UTP14A: variants seen among roughly 807,000 people sequenced by gnomAD.
UTP14A encodes U3 small nucleolar RNA-associated protein 14 homolog A.
In UTP14A, 5 loss-of-function variants were observed where a neutral mutation model predicts 57.2. The observed-to-expected ratio is 0.09, with a 90% CI of 0.05 to 0.18. The LOEUF is 0.18. UTP14A is among the 10% of genes least tolerant of loss of function. UTP14A has a pLI of 1.00. For synonymous variants in UTP14A, 169 were observed against 210.9 expected (o/e 0.80, Z 1.72); for missense variants, 430 against 562.1 (o/e 0.76, Z 2.38).
At position 129,921,376 on chromosome X, in the gene UTP14A, C is replaced by T. The variant is rs781452587; in HGVS notation, c.1137C>T (p.Ser379=). 1.7e-6 allele frequency: 2 copies of T among 1,211,875 alleles called. No homozygotes were observed. Among genetic ancestry groups the T allele is most frequent in the East Asian group, 3.0e-5 (1 of 33,878 alleles). Residue 379 remains serine, a synonymous_variant, in exon 11 of 15, where the codon AGC becomes AGT. Coordinates refer to ENST00000394422, the MANE Select transcript of UTP14A (RefSeq NM_006649.4). ...ADGPNPWMLR[S]CTSDTKEAAT... ...GGCCGAATCCCTGGATGCTCAGGAGCTGCACCAGTGACACCAAAGAGGCTG... is the reference window on the plus strand; with the variant it reads ...GGCCGAATCCCTGGATGCTCAGGAGTTGCACCAGTGACACCAAAGAGGCTG...
At chrX:129,911,634 C>A in intron 5 of UTP14A, 132 bp from the exon 6 acceptor site, 1 of 778,602 alleles carries the variant, frequency 1.3e-6, no homozygotes, top group South Asian at 2.6e-5. Context: ...CATCCTGATT[C>A]TTTCATCCTG....
intron 14 of UTP14A, 108 bp downstream of exon 14, chrX:129,926,447 C>A: frequency 1.5e-6 from 1 of 664,998 alleles, no homozygotes; most frequent in African/African-American, 2.2e-5. Context: ...TGATCTTGAC[C>A]GCAGAATCAA....
At chrX:129,907,192 G>T (rs1289575304) in intron 1 of UTP14A, among the ~76,000 whole-genome samples, 175 bp from the exon 2 acceptor site, 4 of 111,031 alleles carry the variant, frequency 3.6e-5, no homozygotes, top group African/African-American at 9.8e-5. Context: ...GAGGGATAGG[G>T]CTATTCTGTG....
chrX:129,929,634 G>A lies in UTP14A; in HGVS notation c.*26G>A, dbSNP rs1305020351. The A allele has an allele frequency of 1.7e-6, 2 of 1,197,186 alleles. No individual in the cohort carries two copies. The highest frequency in any genetic ancestry group is 3.0e-5 in the East Asian group (1 of 33,648). On this transcript the variant is annotated 3_prime_UTR_variant, in exon 15 of 15. Coordinates refer to ENST00000394422, the MANE Select transcript of UTP14A (RefSeq NM_006649.4). Reference sequence around the variant, plus strand: ...GTTGCTGGAGGAGTGACAGCCAGGAGCCCTGACTTCACTTCCTTTGGTCCA... The same window carrying A: ...GTTGCTGGAGGAGTGACAGCCAGGAACCCTGACTTCACTTCCTTTGGTCCA...
At chrX:129,907,641 T>G (rs1929299493) in intron 2 of UTP14A, among the ~76,000 whole-genome samples, 199 bp downstream of exon 2, 1 of 112,427 alleles carries the variant, frequency 8.9e-6, no homozygotes, top group African/African-American at 3.2e-5. Context: ...TACCCTCAAG[T>G]TGCATAAGTA....
chrX:129,921,775 T>C (rs1929926422), intron 11 of UTP14A, 188 bp downstream of exon 11: 1 of 488,408 alleles, frequency 2.0e-6, no homozygotes, highest in Non-Finnish European at 3.2e-6. Context: ...AGACATTTAA[T>C]AAGCAGTCAT....
intron 14 of UTP14A, among the ~76,000 whole-genome samples, chrX:129,927,999 C>G (rs1044992067): frequency 9.0e-6 from 1 of 111,042 alleles, no homozygotes; most frequent in Admixed American, 9.7e-5. Context: ...CACTTCCCCC[C>G]TCTAAGCCAA....
At position 129,911,116 on chromosome X, in the gene UTP14A, T is replaced by C; in HGVS notation, c.347T>C (p.Val116Ala). The part of the protein sequence containing the change: ...QLSRVKSKKT[V>A]ELPLNKEEIE... ...AGTAGAGTCAAATCAAAGAAGACAGTGGAGTTACCTCTGAACAAAGAAGAG... is the reference window on the plus strand; with the variant it reads ...AGTAGAGTCAAATCAAAGAAGACAGCGGAGTTACCTCTGAACAAAGAAGAG... The change falls in exon 5 of 15, where the codon GTG becomes GCG. Residue 116 changes from valine to alanine, a missense_variant. Around this residue, in one of 4 missense-constraint regions of UTP14A, gnomAD observed 145 missense variants for 153.5 expected, o/e 0.94. Transcript: ENST00000394422. 2.5e-6 allele frequency: 3 copies of C among 1,210,905 alleles called. No individual in the cohort carries two copies. Among genetic ancestry groups the C allele is most frequent in the Non-Finnish European group, 3.4e-6 (3 of 895,233 alleles).
chrX:129,926,465 G>C, intron 14 of UTP14A, 126 bp downstream of exon 14: 1 of 575,866 alleles, frequency 1.7e-6, no homozygotes, highest in Admixed American at 3.6e-5. Context: ...CAAATCTGTT[G>C]TTTTCACTGA....
intron 2 of UTP14A, among the ~76,000 whole-genome samples, 199 bp from the exon 3 acceptor site, chrX:129,907,861 C>T (rs905465668): frequency 9.0e-6 from 1 of 111,680 alleles, no homozygotes; most frequent in Non-Finnish European, 1.9e-5. Flanking sequence ...GAGGCTGAGG[C>T]AGGAGAATGG....
chrX:129,915,524 CA>C (rs778079199), intron 6 of UTP14A, among the ~76,000 whole-genome samples: 829 of 39,811 alleles, frequency 0.021, 1 homozygote, highest in Middle Eastern at 0.044. Context: ...GACTCTGTCT[CA>C]AAAAAAAAAA....
Position 129,924,871 on chromosome X carries a change from G to C in UTP14A, c.1425G>C (p.Lys475Asn). Residue 475 changes from lysine (K) to asparagine (N), a missense_variant, in exon 12 of 15, where the codon AAG becomes AAC. Lys to Asn is a moderately conservative substitution (Grantham distance 94, BLOSUM62 0). Coordinates refer to ENST00000394422, the MANE Select transcript of UTP14A (RefSeq NM_006649.4). ...TGAAGGAAAACCATCAGTCCAGGAA[G>C]CAAAAAGCAAGTTCAGAGGGGACTA... ...QKLKENHQSR[K>N]QKASSEGTIP... The C allele has an allele frequency of 1.7e-6, 2 of 1,211,314 alleles. No individual in the cohort carries two copies. Among genetic ancestry groups the C allele is most frequent in the Non-Finnish European group, 2.2e-6 (2 of 895,445 alleles).
intron 6 of UTP14A, among the ~76,000 whole-genome samples, chrX:129,915,543 A>T (rs2058394495): frequency 9.1e-6 from 1 of 109,502 alleles, no homozygotes; most frequent in Admixed American, 9.8e-5. Flanking sequence ...AAAAAAAAAA[A>T]GGCTATGAAA....
intron 3 of UTP14A, 107 bp downstream of exon 3, chrX:129,908,237 A>G: frequency 5.1e-6 from 3 of 588,498 alleles, no homozygotes; most frequent in Non-Finnish European, 8.0e-6. Flanking sequence ...ACCAGTGCCT[A>G]GCATATAGTA....
In UTP14A at chrX:129,925,011, G is replaced by A. The variant is rs1603018785; in HGVS notation, c.1565G>A (p.Cys522Tyr). ...EELEELGKEE[C>Y]FQNKELPRPV... ...CTAGAAGAGCTGGGAAAAGAAGAAT[G>A]TTTTCAAAATAAGGAGCTTCCCAGA... Residue 522 changes from cysteine (C) to tyrosine (Y), a missense_variant, in exon 12 of 15, where the codon TGT becomes TAT. By Grantham distance (194) the Cys-to-Tyr change is radical. This residue lies in a region of UTP14A where 120 missense variants were observed against 116.8 expected (regional missense o/e 1.03). Transcript: ENST00000394422. The A allele has an allele frequency of 8.3e-7, 1 of 1,211,515 alleles. No homozygotes were observed. The highest frequency in any genetic ancestry group is 3.0e-5 in the East Asian group (1 of 33,825).
chrX:129,912,263 C>T (rs780314780), intron 6 of UTP14A, among the ~76,000 whole-genome samples: 1 of 109,848 alleles, frequency 9.1e-6, no homozygotes, highest in Non-Finnish European at 1.9e-5. Context: ...CTGGCGTGCA[C>T]CAACACGCCC....
At chrX:129,912,233 C>T (rs955780816) in intron 6 of UTP14A, among the ~76,000 whole-genome samples, 1 of 109,957 alleles carries the variant, frequency 9.1e-6, no homozygotes, top group Non-Finnish European at 1.9e-5. Context: ...CTGCCTCAGC[C>T]TCCCAAGTAG....
chrX:129,917,962 G>A (rs1929751715), intron 6 of UTP14A, among the ~76,000 whole-genome samples: 1 of 112,362 alleles, frequency 8.9e-6, no homozygotes. Context: ...AGTAATTAAT[G>A]ATACCAAGAA....
At chrX:129,910,731 A>G (rs1283806041) in intron 4 of UTP14A, among the ~76,000 whole-genome samples, 1 of 112,296 alleles carries the variant, frequency 8.9e-6, no homozygotes, top group Non-Finnish European at 1.9e-5. Flanking sequence ...GTGAAGAATG[A>G]ATTGCAATGG....
Sources: gnomAD v4.1 joint callset for allele counts (sites outside exome capture counted in the v4.1 genomes callset) on GRCh38, gnomAD v4.1.1 for gene constraint, gnomAD v4.1.1 regional missense constraint, MANE v1.5 for transcripts, NCBI Gene and HGNC (gene_info 2026-07-23, HGNC 2026-07-21) for gene names.